The following PRKD3 variants were observed in gnomAD, a reference collection of about 807,000 sequenced individuals.
The protein encoded by PRKD3 is serine/threonine-protein kinase D3.
Under a neutral mutation model 99.2 loss-of-function variants are expected in PRKD3, and 47 were observed. The ratio of observed to expected loss-of-function variants is 0.47; its 90% CI spans 0.38 to 0.60. The LOEUF (loss-of-function observed/expected upper bound fraction) is 0.60. PRKD3 is among the 20% of genes least tolerant of loss of function. PRKD3 has a pLI of 0.00. For missense variants in PRKD3, 1,019 were observed against 1,088.4 expected, an observed-to-expected ratio of 0.94 and a Z score of 0.90; for synonymous variants, 392 against 355.4, an observed-to-expected ratio of 1.10 and a Z score of -1.16.
At chr2:37,309,993 C>T (rs914379585) in intron 2 of PRKD3, among the ~76,000 whole-genome samples, 5 of 152,068 alleles carry the variant, frequency 3.3e-5, no homozygotes, top group Non-Finnish European at 5.9e-5. Flanking sequence ...CCATTAACCT[C>T]TAATTTTCTG....
intron 7 of PRKD3, chr2:37,282,242 T>A (rs150461854): frequency 3.3e-6 from 1 of 300,458 alleles, no homozygotes; most frequent in East Asian, 6.1e-5. Flanking sequence ...TATGAAAGAA[T>A]AGAGACAAGA....
chr2:37,321,153 A>G (rs944559068), intron 1 of PRKD3, among the ~76,000 whole-genome samples: 9 of 152,244 alleles, frequency 5.9e-5, no homozygotes, highest in African/African-American at 2.2e-4. Flanking sequence ...TACAAACTAT[A>G]TACCAATTAT....
chr2:37,283,566 T>G (rs1669952685), intron 6 of PRKD3, among the ~76,000 whole-genome samples: 1 of 152,224 alleles, frequency 6.6e-6, no homozygotes, highest in Admixed American at 6.5e-5. Context: ...ACTATCCTTG[T>G]TAAGACAGGC....
At chr2:37,285,543 A>G (rs1327727197) in intron 6 of PRKD3, among the ~76,000 whole-genome samples, 1 of 152,220 alleles carries the variant, frequency 6.6e-6, no homozygotes, top group Non-Finnish European at 1.5e-5. Context: ...AAAAAACCCA[A>G]AACTCTTGCA....
chr2:37,251,765 A>AGAC lies in PRKD3; in HGVS notation c.*1409_*1411dup, dbSNP rs1491566225. On this transcript the variant is annotated 3_prime_UTR_variant, in exon 19 of 19. Transcript: ENST00000234179. Reference sequence around the variant, plus strand: ...GCAAGAATGATAATCTTCATTTTACAGACTGAGGAACTGCCGACAGACCTG... The same window carrying AGAC: ...GCAAGAATGATAATCTTCATTTTACAGACGACTGAGGAACTGCCGACAGACCTG... 1 of 152,190 alleles carries AGAC rather than the reference A, an allele frequency of 6.6e-6. No individual in the cohort carries two copies. Among genetic ancestry groups the AGAC allele is most frequent in the Non-Finnish European group, 1.5e-5 (1 of 68,042 alleles). 9.4% of individuals were successfully genotyped at this position (152,190 alleles called of 1,614,324 possible). A position where few individuals can be genotyped will look rare whatever the true frequency, so the allele number is the denominator to read the frequency against.
chr2:37,269,539 A>C (rs747552394), intron 13 of PRKD3, 76 bp downstream of exon 13: 23 of 1,325,334 alleles, frequency 1.7e-5, no homozygotes, highest in Non-Finnish European at 2.5e-5. Flanking sequence ...GAGATGACAA[A>C]ACAGCTGGCA....
intron 2 of PRKD3, among the ~76,000 whole-genome samples, chr2:37,302,087 T>C (rs911417434): frequency 3.9e-5 from 6 of 152,198 alleles, no homozygotes; most frequent in Admixed American, 2.0e-4. Flanking sequence ...GTGGAAGAAG[T>C]TGGCAACCTT....
chr2:37,261,048 C>T (rs982865891), intron 14 of PRKD3, among the ~76,000 whole-genome samples: 1 of 152,242 alleles, frequency 6.6e-6, no homozygotes, highest in African/African-American at 2.4e-5. Context: ...CAAACACCTT[C>T]AGTGGCTCTT....
chr2:37,302,501 G>T (rs536241944), intron 2 of PRKD3, among the ~76,000 whole-genome samples: 129 of 152,186 alleles, frequency 8.5e-4, no homozygotes, highest in African/African-American at 2.9e-3. Flanking sequence ...TAAGTAAAAG[G>T]TTCCAATAGT....
intron 2 of PRKD3, among the ~76,000 whole-genome samples, chr2:37,303,772 G>T (rs1356935837): frequency 4.6e-5 from 7 of 151,998 alleles, no homozygotes; most frequent in Non-Finnish European, 8.8e-5. Context: ...AAGAATGAAG[G>T]TTTTATTCTA....
At chr2:37,281,467 T>C (rs1204719222) in intron 7 of PRKD3, among the ~76,000 whole-genome samples, 1 of 152,128 alleles carries the variant, frequency 6.6e-6, no homozygotes, top group Non-Finnish European at 1.5e-5. Context: ...GGTGGGTCTT[T>C]GGAAGGTGGT....
At chr2:37,299,144 T>C (rs898648343) in intron 2 of PRKD3, among the ~76,000 whole-genome samples, 1 of 152,176 alleles carries the variant, frequency 6.6e-6, no homozygotes, top group African/African-American at 2.4e-5. Context: ...TTTCATTGTG[T>C]TGAATTTTAC....
rs1453156778 is a variant in PRKD3, at chr2:37,316,417, G to C, written c.108C>G (p.Leu36=). 1.9e-6 allele frequency: 3 copies of C among 1,614,242 alleles called. No homozygotes were observed. The highest frequency in any genetic ancestry group is 3.3e-5 in the Admixed American group (2 of 60,034). The change falls in exon 2 of 19, where the codon CTC becomes CTG. Residue 36 remains leucine, a synonymous_variant. Coordinates refer to ENST00000234179, the MANE Select transcript of PRKD3 (RefSeq NM_005813.6). ...AGCTTCCATTAGAGAGTCGGGCAGA[G>C]AGTCCCGTCTTAGGACTTGAACACG... ...ASPCSSPKTG[L]SARLSNGSFS...
chr2:37,320,335 C>T (rs140960215), intron 1 of PRKD3, among the ~76,000 whole-genome samples: 1 of 150,650 alleles, frequency 6.6e-6, no homozygotes, highest in African/African-American at 2.4e-5. Context: ...AGCTCCACAA[C>T]GTATCTGACT....
At chr2:37,301,249 T>C (rs1235873468) in intron 2 of PRKD3, among the ~76,000 whole-genome samples, 1 of 152,194 alleles carries the variant, frequency 6.6e-6, no homozygotes, top group African/African-American at 2.4e-5. Flanking sequence ...TTCCAAAGTA[T>C]ATATGTAGAA....
intron 2 of PRKD3, among the ~76,000 whole-genome samples, chr2:37,299,790 T>G (rs1346590823): frequency 8.5e-5 from 13 of 152,094 alleles, no homozygotes; most frequent in Admixed American, 5.9e-4. Context: ...GAAAAGATAC[T>G]CAACATCACT....
At chr2:37,264,189 G>A (rs1668666019) in intron 14 of PRKD3, among the ~76,000 whole-genome samples, 1 of 152,076 alleles carries the variant, frequency 6.6e-6, no homozygotes, top group Admixed American at 6.5e-5. Context: ...CTCTTTTTCT[G>A]TGTAACTGTA....
At chr2:37,290,405 T>C (rs972796412) in intron 4 of PRKD3, among the ~76,000 whole-genome samples, 2 of 152,154 alleles carry the variant, frequency 1.3e-5, no homozygotes, top group Non-Finnish European at 2.9e-5. Context: ...GCTAAGTTTT[T>C]GTATCTTTAG....
intron 14 of PRKD3, among the ~76,000 whole-genome samples, chr2:37,262,208 T>G (rs1668516561): frequency 6.6e-6 from 1 of 152,220 alleles, no homozygotes; most frequent in Admixed American, 6.5e-5. Context: ...TCACATGTTT[T>G]TGGCCTATGT....
Sources: allele counts gnomAD v4.1 joint callset (sites outside exome capture counted in the v4.1 genomes callset), GRCh38; gene constraint gnomAD v4.1.1; transcripts MANE v1.5; gene names NCBI Gene and HGNC (gene_info 2026-07-23, HGNC 2026-07-21).